Variants in QSER1 observed in about 807,000 individuals in gnomAD.
QSER1 encodes glutamine and serine-rich protein 1.
In QSER1, 49 loss-of-function variants were observed where a neutral mutation model predicts 158.5. That is an observed-to-expected ratio of 0.31 (90% confidence interval 0.25 to 0.39). The LOEUF is 0.39. QSER1 is among the 10% of genes least tolerant of loss of function. QSER1 has a pLI of 1.00. For missense variants in QSER1, 1,754 were observed against 2,010.3 expected, an observed-to-expected ratio of 0.87 and a Z score of 2.44; for synonymous variants, 650 against 715.5, an observed-to-expected ratio of 0.91 and a Z score of 1.46.
chr11:32,941,865 C>T (rs1852243598), intron 4 of QSER1, among the ~76,000 whole-genome samples: 1 of 151,632 alleles, frequency 6.6e-6, no homozygotes, highest in Admixed American at 6.6e-5. Flanking sequence ...AAAAGTGTTC[C>T]TATTTCTCCA....
rs944021969 is a variant in QSER1, at chr11:32,922,535, A to G, written c.210-4622A>G. 9.3e-5 allele frequency among the ~76,000 whole-genome samples: 12 copies of G among 129,048 alleles called. 1 individual carries two copies. Among genetic ancestry groups the G allele is most frequent in the African/African-American group, 3.7e-4 (12 of 32,648 alleles). The allele number at this position is 129,048 out of a possible 152,430, so 84.7% of individuals were successfully genotyped here. A position where few individuals can be genotyped will look rare whatever the true frequency, so the allele number is the denominator to read the frequency against. On this transcript the variant is annotated intron_variant, in intron 1 of 12. Transcript: ENST00000650167. ...AGTCTCACTCTGTCACCCAGGCTGG[A>G]GTGCAGTGGTGTGATCTCGGCTCAT...
At chr11:32,902,235 G>A (rs578183924) in intron 1 of QSER1, among the ~76,000 whole-genome samples, 4 of 152,172 alleles carry the variant, frequency 2.6e-5, no homozygotes, top group East Asian at 1.9e-4. Flanking sequence ...TGCAAATGTC[G>A]CAAGGCAGGA....
At chr11:32,948,443 TAGTG>T (rs1036318559) in intron 4 of QSER1, among the ~76,000 whole-genome samples, 1 of 152,136 alleles carries the variant, frequency 6.6e-6, no homozygotes, top group African/African-American at 2.4e-5. Flanking sequence ...TGGGGAAACA[TAGTG>T]AGAGCCTATC....
chr11:32,953,091 G>A (rs1320697530), intron 4 of QSER1, among the ~76,000 whole-genome samples: 1 of 151,946 alleles, frequency 6.6e-6, no homozygotes, highest in Non-Finnish European at 1.5e-5. Flanking sequence ...GTGAGCCACC[G>A]TGCATGGCCC....
At chr11:32,946,237 C>T (rs1016115869) in intron 4 of QSER1, among the ~76,000 whole-genome samples, 3 of 152,186 alleles carry the variant, frequency 2.0e-5, no homozygotes, top group Non-Finnish European at 2.9e-5. Flanking sequence ...TCTCTCAGCT[C>T]GTCAAAGTCA....
intron 10 of QSER1, among the ~76,000 whole-genome samples, chr11:32,972,283 T>A (rs1339991692): frequency 6.6e-6 from 1 of 152,126 alleles, no homozygotes; most frequent in Non-Finnish European, 1.5e-5. Flanking sequence ...CTCGATTTAA[T>A]TTTTATAAAG....
chr11:32,911,748 G>T (rs767619837), intron 1 of QSER1, among the ~76,000 whole-genome samples: 14 of 152,218 alleles, frequency 9.2e-5, no homozygotes, highest in South Asian at 8.3e-4. Flanking sequence ...TAAGTTTCCT[G>T]AGGCCTCTCC....
Position 32,978,608 on chromosome 11 carries a change from T to C in QSER1, c.*2134T>C, listed in dbSNP as rs937832584. 6.6e-6 allele frequency: 1 copy of C among 152,256 alleles called. No homozygotes were observed. Among genetic ancestry groups the C allele is most frequent in the Non-Finnish European group, 1.5e-5 (1 of 68,044 alleles). 9.4% of individuals were successfully genotyped at this position (152,256 alleles called of 1,614,324 possible). On this transcript the variant is annotated 3_prime_UTR_variant, in exon 13 of 13. Transcript: ENST00000650167. ...ATGTTTCCTTAAGATGAATCTTACA[T>C]TTCCCATAGAAAATAACCCATTTCC... is the stretch of plus-strand genomic sequence containing the variant.
rs1314381773 is a variant in QSER1 at position 32,969,196 on chromosome 11, A to C, written c.5205+53A>C. Reference sequence around the variant, plus strand: ...AAACTCAATGGCAGTCATAGTCTTAAGTATAATAGGAAGGAAATTTATGAA... The same window carrying C: ...AAACTCAATGGCAGTCATAGTCTTACGTATAATAGGAAGGAAATTTATGAA... On this transcript the variant is annotated intron_variant, in intron 10 of 12. Transcript: ENST00000650167. The C allele has an allele frequency of 2.8e-5, 28 of 1,003,638 alleles. No homozygotes were observed. The East Asian group carries it at 7.0e-4, about 25-fold the overall frequency. The allele number at this position is 1,003,638 out of a possible 1,614,324, so 62.2% of individuals were successfully genotyped here. A position where few individuals can be genotyped will look rare whatever the true frequency, so the allele number is the denominator to read the frequency against.
At chr11:32,903,719 CT>C (rs1399240801) in intron 1 of QSER1, among the ~76,000 whole-genome samples, 1 of 152,022 alleles carries the variant, frequency 6.6e-6, no homozygotes, top group Admixed American at 6.6e-5. Context: ...TCAAGCAATT[CT>C]CCTGGCTCAG....
chr11:32,898,250 G>A (rs1851579992), intron 1 of QSER1, among the ~76,000 whole-genome samples: 1 of 152,188 alleles, frequency 6.6e-6, no homozygotes, highest in Non-Finnish European at 1.5e-5. Context: ...GGAGGCTGAG[G>A]TGGGAGTATT....
chr11:32,935,385 C>T lies in QSER1; in HGVS notation c.4127C>T (p.Ser1376Phe). Reference protein sequence around the residue: ...GYSQDAYKSVSTPLTTLDATS... With the variant: ...GYSQDAYKSVFTPLTTLDATS... ...AGTCAAGATGCTTATAAAAGCGTCT[C>T]TACTCCCTTAACTACTTTGGATGCT... is the stretch of plus-strand genomic sequence containing the variant. The change falls in exon 4 of 13, where the codon TCT (serine) becomes TTT (phenylalanine). Residue 1376 changes from serine to phenylalanine, a missense_variant. Physicochemically the swap from Ser to Phe is radical, Grantham distance 155. This residue lies in a region of QSER1 where 1,707 missense variants were observed against 1,919.6 expected (regional missense o/e 0.89). Transcript: ENST00000650167. The T allele has an allele frequency of 6.3e-7, 1 of 1,585,204 alleles. No individual in the cohort carries two copies. The highest frequency in any genetic ancestry group is 8.5e-7 in the Non-Finnish European group (1 of 1,171,298).
At chr11:32,921,663 G>A (rs1316695949) in intron 1 of QSER1, among the ~76,000 whole-genome samples, 3 of 152,160 alleles carry the variant, frequency 2.0e-5, no homozygotes, top group African/African-American at 7.2e-5. Context: ...CATATTCATG[G>A]CTTAAAAGAT....
At chr11:32,925,622 G>T (rs916809570) in intron 1 of QSER1, among the ~76,000 whole-genome samples, 3 of 151,766 alleles carry the variant, frequency 2.0e-5, no homozygotes, top group African/African-American at 7.3e-5. Context: ...CTGCCTCCTG[G>T]GTTCAAGTGA....
intron 1 of QSER1, among the ~76,000 whole-genome samples, chr11:32,902,117 G>A (rs1160052931): frequency 1.3e-5 from 2 of 152,142 alleles, no homozygotes; most frequent in Non-Finnish European, 2.9e-5. Flanking sequence ...TAAAATCTCT[G>A]TTCTTGTGGA....
chr11:32,910,031 T>A (rs1851746522), intron 1 of QSER1, among the ~76,000 whole-genome samples: 1 of 152,220 alleles, frequency 6.6e-6, no homozygotes, highest in Non-Finnish European at 1.5e-5. Flanking sequence ...TTTCCATGTC[T>A]GACCGTTAAC....
At chr11:32,898,244 G>A (rs527604043) in intron 1 of QSER1, among the ~76,000 whole-genome samples, 1 of 152,286 alleles carries the variant, frequency 6.6e-6, no homozygotes, top group South Asian at 2.1e-4. Flanking sequence ...ACTTTGGGAG[G>A]CTGAGGTGGG....
At chr11:32,924,379 G>A (rs1453406850) in intron 1 of QSER1, among the ~76,000 whole-genome samples, 4 of 151,874 alleles carry the variant, frequency 2.6e-5, no homozygotes, top group Admixed American at 2.0e-4. Flanking sequence ...ACCAGCCTGG[G>A]CAACATGGAC....
At chr11:32,971,706 A>G (rs1590189535) in intron 10 of QSER1, among the ~76,000 whole-genome samples, 1 of 152,154 alleles carries the variant, frequency 6.6e-6, no homozygotes, top group African/African-American at 2.4e-5. Flanking sequence ...GTTTCTATCA[A>G]ATGAAATTTA....
Sources: gnomAD v4.1 joint callset for allele counts (sites outside exome capture counted in the v4.1 genomes callset) on GRCh38, gnomAD v4.1.1 for gene constraint, gnomAD v4.1.1 regional missense constraint, MANE v1.5 for transcripts, NCBI Gene and HGNC (gene_info 2026-07-23, HGNC 2026-07-21) for gene names.